The following CEP135 variants were observed in gnomAD, a reference collection of about 807,000 sequenced individuals.
CEP135 encodes centrosomal protein of 135 kDa.
Under a neutral mutation model 157.3 loss-of-function variants are expected in CEP135, and 142 were observed. The ratio of observed to expected loss-of-function variants is 0.90; its 90% CI spans 0.79 to 1.04. CEP135 has a LOEUF of 1.04. Ranked by LOEUF, CEP135 falls within the 50% of genes least tolerant of loss-of-function variation. The pLI is 0.00. For missense variants in CEP135, 1,317 were observed against 1,309.2 expected, an observed-to-expected ratio of 1.01 and a Z score of -0.09; for synonymous variants, 396 against 439.8, an observed-to-expected ratio of 0.90 and a Z score of 1.25.
intron 14 of CEP135, among the ~76,000 whole-genome samples, chr4:55,987,258 C>G (rs2109694195): frequency 6.6e-6 from 1 of 152,272 alleles, no homozygotes; most frequent in Non-Finnish European, 1.5e-5. Flanking sequence ...GTATTGTTCC[C>G]TCTAATTTGT....
At chr4:56,024,110 AG>A (rs1731072855) in intron 24 of CEP135, among the ~76,000 whole-genome samples, 1 of 144,414 alleles carries the variant, frequency 6.9e-6, no homozygotes, top group Non-Finnish European at 1.5e-5. Flanking sequence ...TATATGGTAT[AG>A]TATATAGTAT....
chr4:55,965,731 G>C lies in CEP135; in HGVS notation c.916G>C (p.Val306Leu), dbSNP rs746009395. Reference protein sequence around the residue: ...ETKETVTSEVVNLSNKNEKLC... With the variant: ...ETKETVTSEVLNLSNKNEKLC... ...CAAGGAAACAGTGACATCTGAAGTC[G>C]TTAATTTAAGTAACAAAAATGAAAA... is the stretch of plus-strand genomic sequence containing the variant. The change falls in exon 8 of 26, where the codon GTT becomes CTT. Residue 306 changes from valine (V) to leucine (L), a missense_variant. By Grantham distance (32) the Val-to-Leu change is conservative (BLOSUM62 1). Coordinates refer to ENST00000257287, the MANE Select transcript of CEP135 (RefSeq NM_025009.5). 6.2e-7 allele frequency: 1 copy of C among 1,613,750 alleles called. No individual in the cohort carries two copies. Among genetic ancestry groups the C allele is most frequent in the South Asian group, 1.1e-5 (1 of 91,062 alleles).
rs772122534 is a variant in CEP135, at chr4:55,980,135, T to C, written c.1474-8T>C. The C allele has an allele frequency of 6.9e-6, 11 of 1,599,584 alleles. No homozygotes were observed. The Admixed American group carries it at 2.0e-4, about 28-fold the overall frequency. ...ATGATTATATTTTGTTTTTTAATTA[T>C]GTTTCAGGGTGATTACAATTCAGAA... On this transcript the variant is annotated splice_polypyrimidine_tract_variant and splice_region_variant and intron_variant, in intron 11 of 25. Coordinates refer to ENST00000257287, the MANE Select transcript of CEP135 (RefSeq NM_025009.5).
chr4:56,013,219 G>T (rs1730653130), intron 21 of CEP135, among the ~76,000 whole-genome samples: 1 of 152,026 alleles, frequency 6.6e-6, no homozygotes, highest in Non-Finnish European at 1.5e-5. Context: ...CAAATCCTTT[G>T]TTCATTTTTT....
At position 56,011,783 on chromosome 4, in the gene CEP135, T is replaced by C. The variant is rs748027789; in HGVS notation, c.2617-17T>C. 1.9e-6 allele frequency: 3 copies of C among 1,556,338 alleles called. No individual in the cohort carries two copies. The highest frequency in any genetic ancestry group is 8.7e-7 in the Non-Finnish European group (1 of 1,155,794). ...ACAATTACTAATTTAGAAACAATTT[T>C]ATTGTGATTAAACCAGGAAAAAGAA... On this transcript the variant is annotated splice_polypyrimidine_tract_variant and intron_variant, in intron 20 of 25. Transcript: ENST00000257287.
At chr4:55,966,195 C>T (rs1728839235) in intron 8 of CEP135, 1 of 194,070 alleles carries the variant, frequency 5.2e-6, no homozygotes, top group African/African-American at 2.4e-5. Flanking sequence ...GTCATTTTTG[C>T]TCAAGAATCC....
intron 10 of CEP135, among the ~76,000 whole-genome samples, chr4:55,974,424 T>C (rs1729124783): frequency 6.6e-6 from 1 of 152,202 alleles, no homozygotes. Context: ...TTTCTTTTAG[T>C]GCATTTTCAG....
intron 17 of CEP135, among the ~76,000 whole-genome samples, chr4:56,004,164 A>AC (rs2109720855): frequency 6.6e-6 from 1 of 152,040 alleles, no homozygotes; most frequent in Admixed American, 6.5e-5. Context: ...TTCTTCATTG[A>AC]CCCATTGGTC....
At chr4:55,998,834 C>T (rs1281997472) in intron 15 of CEP135, among the ~76,000 whole-genome samples, 2 of 152,146 alleles carry the variant, frequency 1.3e-5, no homozygotes, top group Non-Finnish European at 2.9e-5. Context: ...CACTGCACTC[C>T]AGCCTGTGTG....
chr4:55,959,098 A>G (rs1728598199), intron 5 of CEP135, among the ~76,000 whole-genome samples: 1 of 152,160 alleles, frequency 6.6e-6, no homozygotes, highest in Admixed American at 6.5e-5. Flanking sequence ...AAAGAAAAAA[A>G]AGCAGACCTG....
chr4:55,957,350 A>G lies in CEP135; in HGVS notation c.600A>G (p.Gln200=). 2 of 1,612,766 alleles carry G rather than the reference A, an allele frequency of 1.2e-6. No individual in the cohort carries two copies. The highest frequency in any genetic ancestry group is 1.7e-6 in the Non-Finnish European group (2 of 1,179,726). ...PDDPYIADLL[Q]VADNRIQELQ... The stretch of plus-strand genomic sequence containing the variant: ...ACCCTTACATTGCAGACCTCCTTCA[A>G]GTGGCTGATAACAGGTGCATTAAAT... The change falls in exon 5 of 26, where the codon CAA becomes CAG. Residue 200 remains glutamine (Q), a synonymous_variant. Coordinates refer to ENST00000257287, the MANE Select transcript of CEP135 (RefSeq NM_025009.5).
rs1728373413 is a variant in CEP135 at position 55,952,015 on chromosome 4, T to G, written c.-45-71T>G. 5.7e-6 allele frequency: 3 copies of G among 524,546 alleles called. No individual in the cohort carries two copies. The East Asian group carries it at 9.0e-5, about 16-fold the overall frequency. The allele number at this position is 524,546 out of a possible 1,614,324, so 32.5% of individuals were successfully genotyped here. A position where few individuals can be genotyped will look rare whatever the true frequency, so the allele number is the denominator to read the frequency against. Reference sequence around the variant, plus strand: ...AAATAATTGCTTCATATTAAAATAATTTTTTCTTCTTATTGTGAAACAACA... The same window carrying G: ...AAATAATTGCTTCATATTAAAATAAGTTTTTCTTCTTATTGTGAAACAACA... On this transcript the variant is annotated intron_variant, in intron 1 of 25. Coordinates refer to ENST00000257287, the MANE Select transcript of CEP135 (RefSeq NM_025009.5).
rs1221295742 is a variant in CEP135 at position 55,974,852 on chromosome 4, A to G, written c.1356A>G (p.Glu452=). ...RLDTFLKGIE[E]ERDYYKKELE... is the part of the protein sequence containing the mutation. The stretch of plus-strand genomic sequence containing the variant: ...ATACATTTCTGAAAGGTATAGAAGA[A>G]GAACGAGATTATTATAAGAAAGAGC... The change falls in exon 11 of 26, where the codon GAA becomes GAG. Residue 452 remains glutamate, a synonymous_variant. Transcript: ENST00000257287. 4 of 1,613,898 alleles carry G rather than the reference A, an allele frequency of 2.5e-6. No individual in the cohort carries two copies. In the African/African-American group the frequency reaches 5.3e-5, roughly 22 times the overall value.
chr4:55,984,275 G>A (rs926140272), intron 13 of CEP135, among the ~76,000 whole-genome samples: 1 of 152,106 alleles, frequency 6.6e-6, no homozygotes, highest in African/African-American at 2.4e-5. Context: ...CTTCTACATA[G>A]ACTATTGAAA....
At chr4:55,951,006 C>T (rs1728345930) in intron 1 of CEP135, among the ~76,000 whole-genome samples, 1 of 152,190 alleles carries the variant, frequency 6.6e-6, no homozygotes, top group Non-Finnish European at 1.5e-5. Context: ...TCATCAACTT[C>T]ATGTAAATGG....
Position 55,999,514 on chromosome 4 carries a change from T to G in CEP135, c.2149T>G (p.Ser717Ala). ...KIDELNLKMT[S>A]QDEEAHVMKK... ...AGATGAACTAAACCTTAAGATGACT[T>G]CACAGGATGAGGAGGCTCATGTAAT... Residue 717 changes from serine (S) to alanine (A), a missense_variant, in exon 17 of 26, where the codon TCA becomes GCA. Ser to Ala is a moderately conservative substitution (Grantham distance 99). Transcript: ENST00000257287. The G allele has an allele frequency of 6.2e-7, 1 of 1,611,386 alleles. No individual in the cohort carries two copies. The highest frequency in any genetic ancestry group is 8.5e-7 in the Non-Finnish European group (1 of 1,179,452).
intron 17 of CEP135, among the ~76,000 whole-genome samples, chr4:56,003,815 G>T (rs1174954887): frequency 1.3e-5 from 2 of 151,804 alleles, no homozygotes; most frequent in Non-Finnish European, 1.5e-5. Context: ...TGACCTTTCA[G>T]ACACAAGCAA....
chr4:56,020,770 A>G lies in CEP135; in HGVS notation c.3310A>G (p.Arg1104Gly). ...TCTGAAAAGGCAGATCTCAACTGAA[A>G]GATACGAACGGTAAGACAAATTTTT... The part of the protein sequence containing the change: ...DALKRQISTE[R>G]YERERAIQEM... Residue 1104 changes from arginine (R) to glycine (G), a missense_variant, in exon 24 of 26, where the codon AGA (arginine) becomes GGA (glycine). Coordinates refer to ENST00000257287, the MANE Select transcript of CEP135 (RefSeq NM_025009.5). The G allele has an allele frequency of 6.2e-7, 1 of 1,612,254 alleles. No individual in the cohort carries two copies. Among genetic ancestry groups the G allele is most frequent in the South Asian group, 1.1e-5 (1 of 90,530 alleles).
intron 7 of CEP135, chr4:55,965,304 G>A (rs766235673): frequency 5.8e-5 from 10 of 173,902 alleles, no homozygotes; most frequent in Non-Finnish European, 8.5e-5. Context: ...CATTTCAGAT[G>A]CTCAGTAGCC....
Sources: gnomAD v4.1 joint callset for allele counts (sites outside exome capture counted in the v4.1 genomes callset) on GRCh38, gnomAD v4.1.1 for gene constraint, MANE v1.5 for transcripts, NCBI Gene and HGNC (gene_info 2026-07-23, HGNC 2026-07-21) for gene names.